The following PCDHGB7 variants were observed in gnomAD, a reference collection of about 807,000 sequenced individuals.
PCDHGB7 encodes the protein protocadherin gamma subfamily B, 7, also known as protocadherin gamma-B7.
PCDHGB7 carries 37 observed loss-of-function variants against 61.4 expected under a neutral mutation model. The observed-to-expected ratio is 0.60, with a 90% confidence interval of 0.46 to 0.79. PCDHGB7 has a LOEUF of 0.79. Among genes scored for constraint, PCDHGB7 ranks in the 30% least tolerant of loss-of-function variants. The probability of loss-of-function intolerance (pLI) is 0.00; values close to 1 mark genes in which losing one functional copy is unlikely to be tolerated. For missense variants in PCDHGB7, 1,166 were observed against 1,202.5 expected, an observed-to-expected ratio of 0.97 and a Z score of 0.45; for synonymous variants, 464 against 503.5, an observed-to-expected ratio of 0.92 and a Z score of 1.05.
rs930695301 is a variant in PCDHGB7, at chr5:141,472,874, T to C, written c.2416-21933T>C. On this transcript the variant is annotated intron_variant, in intron 1 of 3. Coordinates refer to ENST00000398594, the MANE Select transcript of PCDHGB7 (RefSeq NM_018927.4). ...GGTGGCACATGCCTGTATTCCCAGC[T>C]ACTCGGGAGGCTGAGGCAGGAGAAT... Among the ~76,000 whole-genome samples, 5 of 150,448 alleles carry C rather than the reference T, an allele frequency of 3.3e-5. No homozygotes were observed. In the Admixed American group the frequency reaches 3.3e-4, roughly 10 times the overall value.
intron 1 of PCDHGB7, chr5:141,421,166 A>T: frequency 7.7e-7 from 1 of 1,301,524 alleles, no homozygotes; most frequent in Non-Finnish European, 1.0e-6. Context: ...CTTCATAGAT[A>T]CATAAGCCGA....
intron 2 of PCDHGB7, among the ~76,000 whole-genome samples, chr5:141,496,486 C>T (rs186488143): frequency 1.3e-5 from 2 of 152,322 alleles, no homozygotes; most frequent in East Asian, 3.9e-4. Flanking sequence ...CTGCAACCAA[C>T]CAAACCCTTG....
At chr5:141,481,638 T>G (rs1465682432) in intron 1 of PCDHGB7, among the ~76,000 whole-genome samples, 1 of 152,014 alleles carries the variant, frequency 6.6e-6, no homozygotes, top group Admixed American at 6.6e-5. Context: ...GCCAACATGG[T>G]GAAACTTCAT....
chr5:141,457,429 C>A (rs73280316), intron 1 of PCDHGB7, among the ~76,000 whole-genome samples: 7 of 152,178 alleles, frequency 4.6e-5, no homozygotes, highest in Non-Finnish European at 7.4e-5. Flanking sequence ...TTTTCCCCCC[C>A]ACCAAGCTGC....
At chr5:141,448,707 G>A (rs1455790773) in intron 1 of PCDHGB7, among the ~76,000 whole-genome samples, 4 of 152,228 alleles carry the variant, frequency 2.6e-5, no homozygotes, top group South Asian at 2.1e-4. Flanking sequence ...TTGGGAGGCC[G>A]AGGCGGGAGG....
chr5:141,450,052 G>C (rs2098667259), intron 1 of PCDHGB7, among the ~76,000 whole-genome samples: 1 of 141,832 alleles, frequency 7.1e-6, no homozygotes, highest in African/African-American at 2.7e-5. Flanking sequence ...TTTCGCCCAG[G>C]CTGGAATGCA....
At chr5:141,423,384 C>T in intron 1 of PCDHGB7, 1 of 1,614,172 alleles carries the variant, frequency 6.2e-7, no homozygotes. Flanking sequence ...GGCTGTGGCG[C>T]TGGCATAAGT....
At chr5:141,501,290 TACACACACACACACACAC>T (rs55762287) in intron 2 of PCDHGB7, among the ~76,000 whole-genome samples, 6 of 136,162 alleles carry the variant, frequency 4.4e-5, no homozygotes, top group South Asian at 2.4e-4. Flanking sequence ...TATTCCCTTA[TACACACACACACACACAC>T]ACACACACAC....
chr5:141,473,237 A>C (rs2099317600), intron 1 of PCDHGB7, among the ~76,000 whole-genome samples: 1 of 152,194 alleles, frequency 6.6e-6, no homozygotes, highest in African/African-American at 2.4e-5. Context: ...GATCCACACA[A>C]GTGAATACAT....
chr5:141,498,703 G>A (rs961006063), intron 2 of PCDHGB7, among the ~76,000 whole-genome samples: 7 of 152,228 alleles, frequency 4.6e-5, no homozygotes, highest in Non-Finnish European at 8.8e-5. Flanking sequence ...AGGCTGAGGT[G>A]GGTGGATCAC....
At chr5:141,421,705 G>C (rs1249601582) in intron 1 of PCDHGB7, 1 of 1,613,944 alleles carries the variant, frequency 6.2e-7, no homozygotes, top group Non-Finnish European at 8.5e-7. Context: ...TAATGCTAGG[G>C]ATCCAGATGT....
intron 1 of PCDHGB7, among the ~76,000 whole-genome samples, chr5:141,459,937 G>A (rs904431112): frequency 6.6e-6 from 1 of 152,132 alleles, no homozygotes; most frequent in Non-Finnish European, 1.5e-5. Flanking sequence ...TTGTAGCTGG[G>A]CGTGATGGCA....
rs2099746867 is a variant in PCDHGB7, at chr5:141,493,199, C to T, written c.2416-1608C>T. Among the ~76,000 whole-genome samples the T allele has an allele frequency of 6.6e-6, 1 of 152,168 alleles. No individual in the cohort carries two copies. Among genetic ancestry groups the T allele is most frequent in the Non-Finnish European group, 1.5e-5 (1 of 68,020 alleles). ...CTTACTATATAACTCCTTTGAGAAC[C>T]TCATCTCATTTGCTCTTCCCACCAT... On this transcript the variant is annotated intron_variant, in intron 1 of 3. Coordinates refer to ENST00000398594, the MANE Select transcript of PCDHGB7 (RefSeq NM_018927.4). This position sits in a 1 kb window ranked among gnomAD's most constrained non-coding sequence, Gnocchi z 4.3.
chr5:141,431,561 G>C lies in PCDHGB7; in HGVS notation c.2415+11287G>C. On this transcript the variant is annotated intron_variant, in intron 1 of 3. Transcript: ENST00000398594. The surrounding 1 kb of genome is among the most constrained non-coding windows in gnomAD (Gnocchi z 4.8). ...GCAGCTGCTTGTAGTCAACGCTACC[G>C]ACCCTGACGAAGGAGTCAATGCGGA... 6.2e-7 allele frequency: 1 copy of C among 1,614,146 alleles called. No homozygotes were observed. The highest frequency in any genetic ancestry group is 1.1e-5 in the South Asian group (1 of 91,080).
intron 1 of PCDHGB7, among the ~76,000 whole-genome samples, chr5:141,465,063 C>T (rs187265709): frequency 8.5e-4 from 129 of 151,534 alleles, no homozygotes; most frequent in South Asian, 1.3e-3. Context: ...TTTGAATTGT[C>T]TGTTCATGTC....
At chr5:141,466,545 T>C (rs2099124777) in intron 1 of PCDHGB7, among the ~76,000 whole-genome samples, 1 of 152,216 alleles carries the variant, frequency 6.6e-6, no homozygotes. Flanking sequence ...AGATGGTCTT[T>C]TGCTGTGGGC....
chr5:141,509,765 T>G (rs1312823974), intron 3 of PCDHGB7, among the ~76,000 whole-genome samples: 2 of 152,120 alleles, frequency 1.3e-5, no homozygotes, highest in Non-Finnish European at 1.5e-5. Flanking sequence ...GTCCCTGAGA[T>G]GTCTAGTCCC....
intron 1 of PCDHGB7, among the ~76,000 whole-genome samples, chr5:141,462,355 A>T (rs1592773702): frequency 6.6e-6 from 1 of 152,226 alleles, no homozygotes; most frequent in East Asian, 1.9e-4. Context: ...AAAAATATAC[A>T]TTGTATAGTT....
chr5:141,487,933 A>ACCCTGTG lies in PCDHGB7; in HGVS notation c.2416-6873_2416-6872insCCTGTGC. 1.6e-6 allele frequency: 1 copy of ACCCTGTG among 612,004 alleles called. No individual in the cohort carries two copies. The highest frequency in any genetic ancestry group is 1.8e-5 in the African/African-American group (1 of 54,216). The allele number at this position is 612,004 out of a possible 1,614,324, so 37.9% of individuals were successfully genotyped here. On this transcript the variant is annotated intron_variant, in intron 1 of 3. Coordinates refer to ENST00000398594, the MANE Select transcript of PCDHGB7 (RefSeq NM_018927.4). The surrounding 1 kb of genome is among the most constrained non-coding windows in gnomAD (Gnocchi z 5.0). ...CACAGGAGGCTACAGTGCACAGGGT[A>ACCCTGTG]CAGTGCACCAGGCAGTCACTTGGAC... is the stretch of plus-strand genomic sequence containing the variant.
Sources: gnomAD v4.1 joint callset for allele counts (sites outside exome capture counted in the v4.1 genomes callset) on GRCh38, gnomAD v4.1.1 for gene constraint, Gnocchi (gnomAD v3.1) non-coding constraint, MANE v1.5 for transcripts, NCBI Gene and HGNC (gene_info 2026-07-23, HGNC 2026-07-21) for gene names.